The following CSMD3 variants were observed in gnomAD, a reference collection of about 807,000 sequenced individuals.
CSMD3 encodes CUB and sushi domain-containing protein 3.
In CSMD3, 177 loss-of-function variants were observed where a neutral mutation model predicts 435.2. That is an observed-to-expected ratio of 0.41 (90% CI 0.36 to 0.46). CSMD3 has a LOEUF of 0.46. Ranked by LOEUF, CSMD3 falls within the 20% of genes least tolerant of loss-of-function variation. The probability of loss-of-function intolerance (pLI) is 0.34; values close to 1 mark genes in which losing one functional copy is unlikely to be tolerated. For synonymous variants in CSMD3, 1,656 were observed against 1,520.5 expected, an observed-to-expected ratio of 1.09 and a Z score of -2.07; for missense variants, 4,265 against 4,504.6, an observed-to-expected ratio of 0.95 and a Z score of 1.52.
At chr8:113,161,934 T>C (rs1588178513) in intron 4 of CSMD3, among the ~76,000 whole-genome samples, 1 of 152,192 alleles carries the variant, frequency 6.6e-6, no homozygotes. Flanking sequence ...CTACACGTTA[T>C]ACATGACTAA....
At chr8:112,679,188 T>C (rs67545147) in intron 16 of CSMD3, among the ~76,000 whole-genome samples, 58,264 of 151,046 alleles carry the variant, frequency 0.39, 12,716 homozygotes, top group African/African-American at 0.6. Flanking sequence ...TCAGGCAAAA[T>C]GAAAGGAAAT....
chr8:112,733,941 G>C (rs1057247415), intron 13 of CSMD3, among the ~76,000 whole-genome samples: 1 of 151,938 alleles, frequency 6.6e-6, no homozygotes, highest in Admixed American at 6.6e-5. Context: ...ATGGACATGA[G>C]AAAATGTATG....
chr8:113,043,553 C>T (rs2087711488), intron 5 of CSMD3, among the ~76,000 whole-genome samples: 1 of 152,036 alleles, frequency 6.6e-6, no homozygotes, highest in Non-Finnish European at 1.5e-5. Flanking sequence ...TATATTCCCC[C>T]TTCCCTATTT....
chr8:112,446,907 C>A (rs959127062), intron 32 of CSMD3, among the ~76,000 whole-genome samples: 5 of 152,106 alleles, frequency 3.3e-5, no homozygotes, highest in Non-Finnish European at 7.4e-5. Flanking sequence ...TTGGCTGCTA[C>A]TTCTTCCATC....
At chr8:112,546,365 G>C (rs1417002105) in intron 27 of CSMD3, among the ~76,000 whole-genome samples, 1 of 152,190 alleles carries the variant, frequency 6.6e-6, no homozygotes, top group African/African-American at 2.4e-5. Context: ...TGAGTGGCTA[G>C]TCGACTGTTA....
intron 45 of CSMD3, among the ~76,000 whole-genome samples, chr8:112,326,547 G>T (rs1563793324): frequency 6.6e-6 from 1 of 152,150 alleles, no homozygotes; most frequent in Non-Finnish European, 1.5e-5. Context: ...TTAAGAGGGA[G>T]GGTACATTCC....
In CSMD3 at chr8:113,304,914, TAAA is replaced by T. The variant is rs71281210; in HGVS notation, c.401+9654_401+9656del. ...ATGTACCCTAAAACTTAAAGTATAATAAAAAAAAAAAAAAAAGAAAATGTGGCA... is the reference window on the plus strand; with the variant it reads ...ATGTACCCTAAAACTTAAAGTATAATAAAAAAAAAAAAAGAAAATGTGGCA... On this transcript the variant is annotated intron_variant, in intron 2 of 70. Coordinates refer to ENST00000297405, the MANE Select transcript of CSMD3 (RefSeq NM_198123.2). Among the ~76,000 whole-genome samples, 1,178 of 119,768 alleles carry T rather than the reference TAAA, an allele frequency of 9.8e-3. 3 individuals carry two copies. Among genetic ancestry groups the T allele is most frequent in the African/African-American group, 0.026 (841 of 32,288 alleles). The allele number at this position is 119,768 out of a possible 152,430, so 78.6% of individuals were successfully genotyped here.
chr8:112,274,082 A>G (rs533419149), intron 59 of CSMD3, among the ~76,000 whole-genome samples: 1 of 152,234 alleles, frequency 6.6e-6, no homozygotes, highest in Admixed American at 6.5e-5. Context: ...CTACGGTGGG[A>G]TAGTGTTAAG....
chr8:113,346,766 G>A (rs1048043802), intron 1 of CSMD3, among the ~76,000 whole-genome samples: 1 of 151,992 alleles, frequency 6.6e-6, no homozygotes, highest in Non-Finnish European at 1.5e-5. Context: ...ATTTATAGTT[G>A]AATGACCATG....
At chr8:113,212,594 T>C (rs2092850000) in intron 3 of CSMD3, among the ~76,000 whole-genome samples, 1 of 152,174 alleles carries the variant, frequency 6.6e-6, no homozygotes, top group South Asian at 2.1e-4. Context: ...TGTAGGGACA[T>C]GGATGAAGCT....
At chr8:112,935,559 T>C (rs1458136043) in intron 9 of CSMD3, among the ~76,000 whole-genome samples, 1 of 152,092 alleles carries the variant, frequency 6.6e-6, no homozygotes, top group African/African-American at 2.4e-5. Flanking sequence ...TTATTTAGTT[T>C]CTTTCATCAA....
At chr8:113,397,865 T>TAAATAAATAAAG (rs1019972589) in intron 1 of CSMD3, among the ~76,000 whole-genome samples, 13 of 134,124 alleles carry the variant, frequency 9.7e-5, no homozygotes, top group Admixed American at 3.0e-4. Flanking sequence ...AATAAATAAA[T>TAAATAAATAAAG]AAAGAACACA....
chr8:112,241,845 C>T, intron 65 of CSMD3, 60 bp from the exon 66 acceptor site: 1 of 725,198 alleles, frequency 1.4e-6, no homozygotes. Context: ...TACACATGCG[C>T]ACACACACAC....
At chr8:113,338,825 T>C (rs114258633) in intron 1 of CSMD3, among the ~76,000 whole-genome samples, 1 of 152,002 alleles carries the variant, frequency 6.6e-6, no homozygotes, top group African/African-American at 2.4e-5. Context: ...ACTCTGAATA[T>C]ACTGAAACTA....
intron 1 of CSMD3, among the ~76,000 whole-genome samples, chr8:113,436,084 C>G (rs2094704480): frequency 6.6e-6 from 1 of 152,004 alleles, no homozygotes; most frequent in Admixed American, 6.5e-5. Context: ...CATTTTTTGC[C>G]AAACCTCTAC....
intron 3 of CSMD3, among the ~76,000 whole-genome samples, chr8:113,208,280 A>C (rs549473777): frequency 6.6e-6 from 1 of 152,098 alleles, no homozygotes; most frequent in Non-Finnish European, 1.5e-5. Flanking sequence ...AGAAACCGGG[A>C]CCAGAGAATC....
chr8:113,161,258 T>C (rs1025600200), intron 4 of CSMD3, among the ~76,000 whole-genome samples: 5 of 152,108 alleles, frequency 3.3e-5, no homozygotes, highest in African/African-American at 7.2e-5. Context: ...ATTACCATCA[T>C]TGGAAAGTTG....
chr8:113,342,082 GA>G (rs796499556), intron 1 of CSMD3, among the ~76,000 whole-genome samples: 274 of 141,030 alleles, frequency 1.9e-3, no homozygotes, highest in African/African-American at 6.2e-3. Flanking sequence ...AGATTAAAAA[GA>G]AAAAAAAAAC....
At chr8:113,073,123 A>G (rs1349999794) in intron 5 of CSMD3, among the ~76,000 whole-genome samples, 1 of 151,832 alleles carries the variant, frequency 6.6e-6, no homozygotes, top group Non-Finnish European at 1.5e-5. Context: ...GAACATGCAC[A>G]TTTATCCATA....
Sources: gnomAD v4.1 joint callset for allele counts (sites outside exome capture counted in the v4.1 genomes callset) on GRCh38, gnomAD v4.1.1 for gene constraint, MANE v1.5 for transcripts, NCBI Gene and HGNC (gene_info 2026-07-23, HGNC 2026-07-21) for gene names.